Variants in SETD2 observed in about 807,000 individuals in gnomAD.
SETD2 encodes the protein SET domain containing 2, histone lysine methyltransferase.
SETD2 carries 31 observed loss-of-function variants against 242.1 expected under a neutral mutation model. That is an observed-to-expected ratio of 0.13 (90% CI 0.10 to 0.17). SETD2 has a LOEUF of 0.17. SETD2 is among the 10% of genes least tolerant of loss of function. The probability of loss-of-function intolerance (pLI) is 1.00; values close to 1 mark genes in which losing one functional copy is unlikely to be tolerated. For missense variants in SETD2, 2,481 were observed against 3,046.3 expected (o/e 0.81, Z 4.37); for synonymous variants, 1,006 against 1,066.5 (o/e 0.94, Z 1.11).
chr3:47,044,344 CAAAAAAAAAAAAAAAAAAAAAAAAAAAAA>C (rs59408277), intron 16 of SETD2, among the ~76,000 whole-genome samples: 11 of 33,950 alleles, frequency 3.2e-4, no homozygotes, highest in East Asian at 2.6e-3. Context: ...GACTTCATCT[CAAAAAAAAAAAAAAAAAAAAAAAAAAAAA>C]AAAAAAAAAA....
intron 5 of SETD2, among the ~76,000 whole-genome samples, chr3:47,109,317 ACT>A (rs1211987091): frequency 6.6e-6 from 1 of 152,170 alleles, no homozygotes; most frequent in East Asian, 1.9e-4. Context: ...TAACTGTTCA[ACT>A]CTTTCAACTT....
intron 15 of SETD2, among the ~76,000 whole-genome samples, chr3:47,049,052 T>C (rs762079949): frequency 6.6e-6 from 1 of 151,480 alleles, no homozygotes; most frequent in Non-Finnish European, 1.5e-5. Context: ...CTTGAACTCC[T>C]GGACTGAAGC....
intron 17 of SETD2, among the ~76,000 whole-genome samples, chr3:47,041,135 T>C (rs1434772659): frequency 1.3e-5 from 2 of 152,210 alleles, no homozygotes. Context: ...GAGCAGGGGT[T>C]GGCAAACTTT....
At chr3:47,095,471 T>C (rs2041971163) in intron 9 of SETD2, among the ~76,000 whole-genome samples, 1 of 152,214 alleles carries the variant, frequency 6.6e-6, no homozygotes, top group South Asian at 2.1e-4. Flanking sequence ...TAGGTCAACA[T>C]GTTTAATAAC....
rs59408277 is a variant in SETD2 at position 47,044,344 on chromosome 3, C to CAAAAAAAAAAAAAAAAA, written c.7099-1661_7099-1645dup. ...TGGGCAACAAAGCAAGACTTCATCT[C>CAAAAAAAAAAAAAAAAA]AAAAAAAAAAAAAAAAAAAAAAAAA... is the stretch of plus-strand genomic sequence containing the variant. On this transcript the variant is annotated intron_variant, in intron 16 of 20. Coordinates refer to ENST00000409792, the MANE Select transcript of SETD2 (RefSeq NM_014159.7). Among the ~76,000 whole-genome samples the CAAAAAAAAAAAAAAAAA allele has an allele frequency of 4.7e-4, 16 of 33,948 alleles. 1 individual carries two copies. Among genetic ancestry groups the CAAAAAAAAAAAAAAAAA allele is most frequent in the African/African-American group, 9.2e-4 (8 of 8,738 alleles). The allele number at this position is 33,948 out of a possible 152,430, so 22.3% of individuals were successfully genotyped here.
In SETD2 at chr3:47,122,225, AAAG is replaced by A. The variant is rs2043126468; in HGVS notation, c.2408_2410del (p.Ser803del). The A allele has an allele frequency of 7.4e-6, 12 of 1,614,020 alleles. No individual in the cohort carries two copies. Among genetic ancestry groups the A allele is most frequent in the Non-Finnish European group, 9.3e-6 (11 of 1,180,000 alleles). ...AATATTTTCAGCTTCAGAGTTACAC[AAAG>A]AAGGGTTGCTATCGTTCAAAGTACA... On this transcript the variant is annotated inframe_deletion, in exon 3 of 21. Coordinates refer to ENST00000409792, the MANE Select transcript of SETD2 (RefSeq NM_014159.7).
chr3:47,117,123 C>T (rs752316043), intron 3 of SETD2, among the ~76,000 whole-genome samples: 12 of 151,988 alleles, frequency 7.9e-5, no homozygotes, highest in Non-Finnish European at 1.6e-4. Context: ...CCTCCACTTC[C>T]CAAAGTGCTG....
At chr3:47,136,053 T>TG (rs2043582949) in intron 1 of SETD2, among the ~76,000 whole-genome samples, 1 of 152,168 alleles carries the variant, frequency 6.6e-6, no homozygotes, top group South Asian at 2.1e-4. Context: ...AGGTACTACT[T>TG]GGATACCTCC....
In SETD2 at chr3:47,143,031, C is replaced by T. The variant is rs577630116; in HGVS notation, c.72-16368G>A. ...TTGGGGCTGGGCATGGTGGGTCACA[C>T]CTGTAATCCCAGCACTTTGGGAGGC... On this transcript the variant is annotated intron_variant, in intron 1 of 20. Transcript: ENST00000409792. Among the ~76,000 whole-genome samples, 8 of 152,136 alleles carry T rather than the reference C, an allele frequency of 5.3e-5. No homozygotes were observed. The South Asian group carries it at 1.7e-3, about 32-fold the overall frequency.
At position 47,027,782 on chromosome 3, in the gene SETD2, GTTTTTT is replaced by G. The variant is rs762410250; in HGVS notation, c.7351-7948_7351-7943del. On this transcript the variant is annotated intron_variant, in intron 18 of 20. Coordinates refer to ENST00000409792, the MANE Select transcript of SETD2 (RefSeq NM_014159.7). The stretch of plus-strand genomic sequence containing the variant: ...CTCAATAAAGTTGCTGCTGCTGCTG[GTTTTTT>G]TTTTTGTTTTTGTTTTTTTTTTTGA... Among the ~76,000 whole-genome samples, 47 of 125,844 alleles carry G rather than the reference GTTTTTT, an allele frequency of 3.7e-4. 1 individual carries two copies. Among genetic ancestry groups the G allele is most frequent in the East Asian group, 2.7e-3 (12 of 4,426 alleles). 82.6% of individuals were successfully genotyped at this position (125,844 alleles called of 152,430 possible).
intron 19 of SETD2, among the ~76,000 whole-genome samples, chr3:47,018,070 C>T (rs1429212656): frequency 6.6e-6 from 1 of 152,174 alleles, no homozygotes; most frequent in East Asian, 1.9e-4. Context: ...GGCATAAAGA[C>T]AGTAGCTGGG....
rs2107641235 is a variant in SETD2 at position 47,084,393 on chromosome 3, AT to A, written c.5398-12del. The A allele has an allele frequency of 3.2e-6, 5 of 1,571,164 alleles. No homozygotes were observed. The highest frequency in any genetic ancestry group is 4.3e-6 in the Non-Finnish European group (5 of 1,154,958). On this transcript the variant is annotated splice_polypyrimidine_tract_variant and intron_variant, in intron 11 of 20. Coordinates refer to ENST00000409792, the MANE Select transcript of SETD2 (RefSeq NM_014159.7). ...CAAAGTCTTTATAATCTGATTAAAC[AT>A]AAAAAAAAATTACATCACTTTGTAC...
chr3:47,033,165 A>G (rs558107193), intron 18 of SETD2, among the ~76,000 whole-genome samples: 2 of 152,212 alleles, frequency 1.3e-5, no homozygotes, highest in South Asian at 4.1e-4. Context: ...TATGATGCCT[A>G]TGTTCCCATA....
intron 17 of SETD2, among the ~76,000 whole-genome samples, chr3:47,039,982 C>A (rs1380568284): frequency 6.6e-6 from 1 of 151,340 alleles, no homozygotes; most frequent in East Asian, 2.0e-4. Context: ...TTATAAAAGC[C>A]TTTTTGTTTT....
At chr3:47,038,463 A>C (rs2039122966) in intron 17 of SETD2, among the ~76,000 whole-genome samples, 1 of 152,032 alleles carries the variant, frequency 6.6e-6, no homozygotes, top group Non-Finnish European at 1.5e-5. Context: ...TAAATACAAA[A>C]AATTTGCCAG....
chr3:47,020,957 G>A (rs951986464), intron 18 of SETD2, among the ~76,000 whole-genome samples: 21 of 152,278 alleles, frequency 1.4e-4, no homozygotes, highest in African/African-American at 4.8e-4. Flanking sequence ...AAAGCTTTAC[G>A]TATTTTCTAT....
chr3:47,079,512 C>T (rs2041239562), intron 12 of SETD2, among the ~76,000 whole-genome samples: 1 of 152,128 alleles, frequency 6.6e-6, no homozygotes, highest in Non-Finnish European at 1.5e-5. Flanking sequence ...AAGAGCTCAC[C>T]CAAAAGAGTA....
rs1216047088 is a variant in SETD2 at position 47,120,633 on chromosome 3, G to A, written c.4003C>T (p.Arg1335Cys). 9.9e-6 allele frequency: 16 copies of A among 1,613,948 alleles called. No individual in the cohort carries two copies. Among genetic ancestry groups the A allele is most frequent in the East Asian group, 6.7e-5 (3 of 44,886 alleles). Residue 1335 changes from arginine to cysteine, a missense_variant, in exon 3 of 21, where the codon CGT becomes TGT. By Grantham distance (180) the Arg-to-Cys change is radical. Transcript: ENST00000409792. ...TGATCCCAATTCTCCTCTTCTTCACGATCATCTGTTAGGGAATCTGGTACT... is the reference window on the plus strand; with the variant it reads ...TGATCCCAATTCTCCTCTTCTTCACAATCATCTGTTAGGGAATCTGGTACT... ...GQVPDSLTDD[R>C]EEEENWDQQD... is the part of the protein sequence containing the mutation.
intron 14 of SETD2, among the ~76,000 whole-genome samples, chr3:47,058,977 G>GTTGTT (rs1159020251): frequency 6.6e-6 from 1 of 150,932 alleles, no homozygotes; most frequent in Non-Finnish European, 1.5e-5. Context: ...TGTTGTTGTT[G>GTTGTT]TTGTTGTATT....
Sources: gnomAD v4.1 joint callset for allele counts (sites outside exome capture counted in the v4.1 genomes callset) on GRCh38, gnomAD v4.1.1 for gene constraint, MANE v1.5 for transcripts, NCBI Gene and HGNC (gene_info 2026-07-23, HGNC 2026-07-21) for gene names.